LRPAP1: variants seen among roughly 807,000 people sequenced by gnomAD.
LRPAP1 encodes the protein LDL receptor related protein associated protein 1.
LRPAP1 carries 41 observed loss-of-function variants against 39.9 expected under a neutral mutation model. The observed-to-expected ratio is 1.03, with a 90% CI of 0.80 to 1.33. The LOEUF is 1.33. LRPAP1 is among the 40% of genes most tolerant of loss of function. LRPAP1 has a pLI of 0.00. For synonymous variants in LRPAP1, 263 were observed against 212.7 expected (o/e 1.24, Z -2.06); for missense variants, 565 against 482.3 (o/e 1.17, Z -1.61).
intron 1 of LRPAP1, among the ~76,000 whole-genome samples, chr4:3,527,145 T>C (rs916199): frequency 0.68 from 103,556 of 151,768 alleles, 36,032 homozygotes; most frequent in East Asian, 0.92. Context: ...CTTTCCAGGA[T>C]TGTCCCAACC....
chr4:3,527,540 C>T (rs1373777500), intron 1 of LRPAP1, among the ~76,000 whole-genome samples: 2 of 152,264 alleles, frequency 1.3e-5, no homozygotes, highest in Non-Finnish European at 2.9e-5. Context: ...AGGCGCCTTA[C>T]TTACCGTGCT....
At chr4:3,517,461 C>A (rs189412823) in intron 5 of LRPAP1, among the ~76,000 whole-genome samples, 2 of 152,224 alleles carry the variant, frequency 1.3e-5, no homozygotes, top group African/African-American at 2.4e-5. Context: ...GGTACAGAAT[C>A]GGAAGCTGCG....
chr4:3,509,934 G>A lies in LRPAP1; in HGVS notation c.*3040C>T, dbSNP rs1265556460. 1 of 152,210 alleles carries A rather than the reference G, an allele frequency of 6.6e-6. No homozygotes were observed. Among genetic ancestry groups the A allele is most frequent in the African/African-American group, 2.4e-5 (1 of 41,450 alleles). 9.4% of individuals were successfully genotyped at this position (152,210 alleles called of 1,614,324 possible). A position where few individuals can be genotyped will look rare whatever the true frequency, so the allele number is the denominator to read the frequency against. Reference sequence around the variant, plus strand: ...ACATGTATTCAAGACATTCAGAAAAGGTATTCAAAAATGCGTTCAAGGGAA... The same window carrying A: ...ACATGTATTCAAGACATTCAGAAAAAGTATTCAAAAATGCGTTCAAGGGAA... On this transcript the variant is annotated 3_prime_UTR_variant, in exon 8 of 8. Coordinates refer to ENST00000650182, the MANE Select transcript of LRPAP1 (RefSeq NM_002337.4).
chr4:3,519,076 A>G (rs1262832817), intron 3 of LRPAP1, 85 bp from the exon 4 acceptor site: 2 of 1,560,500 alleles, frequency 1.3e-6, no homozygotes, highest in Admixed American at 3.7e-5. Flanking sequence ...CCTCATGGCC[A>G]GGCAGGCCCT....
intron 1 of LRPAP1, among the ~76,000 whole-genome samples, chr4:3,530,546 AG>A (rs1195679132): frequency 2.6e-5 from 4 of 152,256 alleles, no homozygotes; most frequent in Admixed American, 1.3e-4. Context: ...CTCAGTCCAA[AG>A]TGGAGGTGAG....
At chr4:3,530,748 G>C (rs911187566) in intron 1 of LRPAP1, among the ~76,000 whole-genome samples, 1 of 152,236 alleles carries the variant, frequency 6.6e-6, no homozygotes, top group African/African-American at 2.4e-5. Context: ...GGCTGACAAA[G>C]ACAGAGGACC....
At position 3,505,654 on chromosome 4, in the gene LRPAP1, A is replaced by C. The variant is rs147951440; in HGVS notation, c.*7320T>G. The stretch of plus-strand genomic sequence containing the variant: ...GCCCGTCTATACCAGCTACCCCAAG[A>C]CCGTCTATACCAGCTACCCCAAGAC... On this transcript the variant is annotated 3_prime_UTR_variant, in exon 8 of 8. Transcript: ENST00000650182. Among the ~76,000 whole-genome samples, 1,593 of 146,864 alleles carry C rather than the reference A, an allele frequency of 0.011. 7 individuals are homozygous for C. Among genetic ancestry groups the C allele is most frequent in the Admixed American group, 0.021 (299 of 14,456 alleles).
intron 5 of LRPAP1, 76 bp from the exon 6 acceptor site, chr4:3,516,274 G>A (rs1388139625): frequency 4.1e-5 from 46 of 1,125,988 alleles, no homozygotes; most frequent in Admixed American, 2.0e-5. Flanking sequence ...CAACCACGCT[G>A]AGTGTGCGTG....
intron 6 of LRPAP1, 68 bp downstream of exon 6, chr4:3,516,048 T>C (rs1190456772): frequency 2.1e-6 from 3 of 1,454,986 alleles, no homozygotes; most frequent in Non-Finnish European, 2.8e-6. Flanking sequence ...TGCATTTCCT[T>C]ACCCGGAAAC....
chr4:3,518,406 C>T (rs1729796381), intron 4 of LRPAP1, among the ~76,000 whole-genome samples: 1 of 152,230 alleles, frequency 6.6e-6, no homozygotes, highest in South Asian at 2.1e-4. Context: ...ACACGCGCAC[C>T]AAGTGGCGCC....
intron 5 of LRPAP1, 64 bp downstream of exon 5, chr4:3,517,970 T>C: frequency 6.6e-7 from 1 of 1,526,546 alleles, no homozygotes; most frequent in Non-Finnish European, 8.8e-7. Flanking sequence ...TGCCTGCTTG[T>C]CCCCAAAACA....
In LRPAP1 at chr4:3,503,756, A is replaced by G. The variant is rs1051493093; in HGVS notation, c.*9218T>C. On this transcript the variant is annotated 3_prime_UTR_variant, in exon 8 of 8. Transcript: ENST00000650182. ...CACAAAACAACAGCAGACAACAGAG[A>G]TTTCCAACTCCAGCAATGACAGGCT... 6.6e-6 allele frequency: 1 copy of G among 152,270 alleles called. No individual in the cohort carries two copies. Among genetic ancestry groups the G allele is most frequent in the Non-Finnish European group, 1.5e-5 (1 of 68,056 alleles). The allele number at this position is 152,270 out of a possible 1,614,324, so 9.4% of individuals were successfully genotyped here.
At chr4:3,518,754 T>C (rs1076900) in intron 4 of LRPAP1, 117 bp downstream of exon 4, 476,594 of 660,372 alleles carry the variant, frequency 0.72, 173,816 homozygotes, top group East Asian at 0.92. Flanking sequence ...CTGCCCCTGC[T>C]GTGTTCCTGA....
intron 1 of LRPAP1, among the ~76,000 whole-genome samples, chr4:3,531,571 G>A (rs986186385): frequency 6.6e-6 from 1 of 152,166 alleles, no homozygotes; most frequent in East Asian, 1.9e-4. Flanking sequence ...TGTCCCGGGG[G>A]GCCCCACCGG....
At position 3,509,778 on chromosome 4, in the gene LRPAP1, C is replaced by T. The variant is rs10013891; in HGVS notation, c.*3196G>A. 15 of 53,816 alleles carry T rather than the reference C, an allele frequency of 2.8e-4. No homozygotes were observed. Among genetic ancestry groups the T allele is most frequent in the African/African-American group, 7.2e-4 (9 of 12,554 alleles). The allele number at this position is 53,816 out of a possible 1,614,324, so 3.3% of individuals were successfully genotyped here. A position where few individuals can be genotyped will look rare whatever the true frequency, so the allele number is the denominator to read the frequency against. The stretch of plus-strand genomic sequence containing the variant: ...GTCAACGCGTGGACACTGGAGACTG[C>T]TGAGACGCCGACTGGAGTCACACAC... On this transcript the variant is annotated 3_prime_UTR_variant, in exon 8 of 8. Coordinates refer to ENST00000650182, the MANE Select transcript of LRPAP1 (RefSeq NM_002337.4).
intron 1 of LRPAP1, among the ~76,000 whole-genome samples, chr4:3,531,732 ACCT>A (rs1423894788): frequency 2.0e-5 from 3 of 151,928 alleles, no homozygotes; most frequent in Non-Finnish European, 4.4e-5. Context: ...CCATCTCCTC[ACCT>A]CCTCATTTCT....
chr4:3,515,170 C>T (rs1300618525), intron 6 of LRPAP1, among the ~76,000 whole-genome samples: 1 of 152,180 alleles, frequency 6.6e-6, no homozygotes, highest in Non-Finnish European at 1.5e-5. Context: ...AATGGCACCC[C>T]CGCCCCCCGA....
At chr4:3,514,644 A>T in intron 7 of LRPAP1, 108 bp downstream of exon 7, 1 of 1,374,706 alleles carries the variant, frequency 7.3e-7, no homozygotes. Context: ...GGAAGACAGC[A>T]GCGTGGGGCC....
In LRPAP1 at chr4:3,506,545, T is replaced by A. The variant is rs1385976611; in HGVS notation, c.*6429A>T. 6.7e-6 allele frequency: 1 copy of A among 149,890 alleles called. No individual in the cohort carries two copies. Among genetic ancestry groups the A allele is most frequent in the African/African-American group, 2.5e-5 (1 of 40,536 alleles). The allele number at this position is 149,890 out of a possible 1,614,324, so 9.3% of individuals were successfully genotyped here. ...CTGCCACCATGCCTGGCTAATTTTT[T>A]ATTTTTAGTAGAGATGGGGTTTCAC... On this transcript the variant is annotated 3_prime_UTR_variant, in exon 8 of 8. Coordinates refer to ENST00000650182, the MANE Select transcript of LRPAP1 (RefSeq NM_002337.4).
Sources: gnomAD v4.1 joint callset for allele counts (sites outside exome capture counted in the v4.1 genomes callset) on GRCh38, gnomAD v4.1.1 for gene constraint, MANE v1.5 for transcripts, NCBI Gene and HGNC (gene_info 2026-07-23, HGNC 2026-07-21) for gene names.